Variants in ATP10B observed in about 807,000 individuals in gnomAD.
The protein encoded by ATP10B is ATPase phospholipid transporting 10B (putative).
In ATP10B, 122 loss-of-function variants were observed where a neutral mutation model predicts 141.2. The observed-to-expected ratio is 0.86, with a 90% CI of 0.75 to 1.00. The LOEUF is 1.00. ATP10B is among the 50% of genes least tolerant of loss of function. The pLI, the probability that ATP10B is intolerant of heterozygous loss-of-function variation, is 0.00. For synonymous variants in ATP10B, 685 were observed against 692.0 expected (o/e 0.99, Z 0.16); for missense variants, 1,876 against 1,825.3 (o/e 1.03, Z -0.51).
chr5:160,854,360 A>C (rs546587629), upstream of ATP10B, among the ~76,000 whole-genome samples: 9 of 151,622 alleles, frequency 5.9e-5, no homozygotes, highest in African/African-American at 2.2e-4. Context: ...CCAGTGTGTG[A>C]TGTTTCTTCC....
At chr5:160,806,900 T>C (rs554253156) in intron 1 of ATP10B, among the ~76,000 whole-genome samples, 8 of 152,178 alleles carry the variant, frequency 5.3e-5, no homozygotes, top group Non-Finnish European at 1.0e-4. Context: ...CAGAGCACTT[T>C]GTCACCCTCC....
At chr5:160,854,508 T>A (rs531300674), upstream of ATP10B, among the ~76,000 whole-genome samples, 46 of 152,300 alleles carry the variant, frequency 3.0e-4, no homozygotes, top group South Asian at 8.7e-3. Flanking sequence ...GAACTCATCC[T>A]TTTTTATGGC....
chr5:160,658,252 A>G (rs1761643517), intron 7 of ATP10B, among the ~76,000 whole-genome samples: 1 of 152,186 alleles, frequency 6.6e-6, no homozygotes, highest in Non-Finnish European at 1.5e-5. Flanking sequence ...GAGTGGCAAG[A>G]GCAAAGTCCA....
At chr5:160,666,362 C>T (rs1480652694) in intron 7 of ATP10B, among the ~76,000 whole-genome samples, 1 of 152,142 alleles carries the variant, frequency 6.6e-6, no homozygotes, top group Non-Finnish European at 1.5e-5. Context: ...TATGATACAC[C>T]TTCAACACCT....
chr5:160,878,365 C>G, the ATP10B span, among the ~76,000 whole-genome samples: 2,319 of 151,700 alleles, frequency 0.015, 27 homozygotes, highest in Non-Finnish European at 0.021. Context: ...TTCCTTACAC[C>G]TTATACAAAA....
At chr5:160,642,824 T>C (rs1012878679) in intron 9 of ATP10B, among the ~76,000 whole-genome samples, 2 of 152,350 alleles carry the variant, frequency 1.3e-5, no homozygotes, top group Non-Finnish European at 2.9e-5. Context: ...TCAACCATCC[T>C]GTTCAGGAAC....
At chr5:160,603,677 T>C in intron 20 of ATP10B, 1 of 410,298 alleles carries the variant, frequency 2.4e-6, no homozygotes, top group Non-Finnish European at 4.5e-6. Flanking sequence ...TTTACACTGG[T>C]GGTGGAAATA....
rs1397086805 is a variant in ATP10B at position 160,602,713 on chromosome 5, A to T, written c.3238-11T>A. ...GCTGGACATGACAGCCTGAGAGGTG[A>T]GAACAGACACATCAGCTTCCATCCA... On this transcript the variant is annotated splice_polypyrimidine_tract_variant and intron_variant, in intron 20 of 25. Coordinates refer to ENST00000327245, the MANE Select transcript of ATP10B (RefSeq NM_025153.3). 1.9e-6 allele frequency: 3 copies of T among 1,613,658 alleles called. No individual in the cohort carries two copies. Among genetic ancestry groups the T allele is most frequent in the Non-Finnish European group, 2.5e-6 (3 of 1,179,664 alleles).
chr5:160,780,143 A>G (rs1770617267), intron 2 of ATP10B, among the ~76,000 whole-genome samples: 1 of 152,196 alleles, frequency 6.6e-6, no homozygotes, highest in African/African-American at 2.4e-5. Flanking sequence ...ACAAAATATA[A>G]ATGGCTGACA....
chr5:160,655,447 T>C (rs759266730), intron 7 of ATP10B, among the ~76,000 whole-genome samples: 17 of 152,144 alleles, frequency 1.1e-4, no homozygotes, highest in Non-Finnish European at 2.4e-4. Context: ...TGGTAGACTG[T>C]CATCTTCCTC....
rs114127025 is a variant in ATP10B, at chr5:160,811,284, C to T, written c.-575-25481G>A. On this transcript the variant is annotated intron_variant, in intron 1 of 25. Transcript: ENST00000327245. Reference sequence around the variant, plus strand: ...TGATTATGGGGAGAGGTTCCTTCTGCTTGAGAAAAGCAGAGGGGAAAGTAA... The same window carrying T: ...TGATTATGGGGAGAGGTTCCTTCTGTTTGAGAAAAGCAGAGGGGAAAGTAA... Among the ~76,000 whole-genome samples, 1,064 of 152,242 alleles carry T rather than the reference C, an allele frequency of 7.0e-3. 18 individuals are homozygous for T. Among genetic ancestry groups the T allele is most frequent in the African/African-American group, 0.024 (1,003 of 41,556 alleles).
chr5:160,646,184 C>T (rs146588485), intron 8 of ATP10B, among the ~76,000 whole-genome samples: 1,697 of 152,196 alleles, frequency 0.011, 28 homozygotes, highest in African/African-American at 0.038. Context: ...AGACACCCAC[C>T]CTACTGAGAT....
At chr5:160,733,490 GC>G (rs1766878107) in intron 2 of ATP10B, among the ~76,000 whole-genome samples, 1 of 152,062 alleles carries the variant, frequency 6.6e-6, no homozygotes, top group East Asian at 1.9e-4. Flanking sequence ...TATAAAAATA[GC>G]CATAGGCACA....
the ATP10B span, among the ~76,000 whole-genome samples, chr5:160,907,552 G>T: frequency 2.0e-5 from 3 of 152,086 alleles, no homozygotes; most frequent in East Asian, 5.8e-4. Flanking sequence ...GTAGACACAG[G>T]ATCTCACTAT....
At chr5:160,842,659 TTG>T (rs1561915841) in intron 1 of ATP10B, among the ~76,000 whole-genome samples, 3 of 151,980 alleles carry the variant, frequency 2.0e-5, no homozygotes, top group Non-Finnish European at 2.9e-5. Flanking sequence ...ATGAGCACAT[TTG>T]TATCAATAAA....
chr5:160,596,052 A>G (rs978566550), intron 22 of ATP10B, among the ~76,000 whole-genome samples: 9 of 152,042 alleles, frequency 5.9e-5, no homozygotes, highest in Non-Finnish European at 1.2e-4. Flanking sequence ...TGAGGCCAGC[A>G]TCATCCTGAT....
chr5:160,730,355 C>T (rs534086334), intron 2 of ATP10B, among the ~76,000 whole-genome samples: 13 of 152,110 alleles, frequency 8.5e-5, no homozygotes, highest in South Asian at 2.1e-4. Flanking sequence ...CTGAATGGAA[C>T]GATATTTCTC....
chr5:160,569,360 C>T, intron 25 of ATP10B, 136 bp downstream of exon 25: 1 of 860,908 alleles, frequency 1.2e-6, no homozygotes, highest in Non-Finnish European at 1.8e-6. Flanking sequence ...TTCTTTCTGT[C>T]CCATCTCTCT....
In ATP10B at chr5:160,565,628, C is replaced by A. The variant is rs1345626018; in HGVS notation, c.4211G>T (p.Gly1404Val). The change falls in exon 26 of 26, where the codon GGC (glycine) becomes GTC (valine). Residue 1404 changes from glycine (G) to valine (V), a missense_variant. Gly to Val is a moderately radical substitution (Grantham distance 109). Coordinates refer to ENST00000327245, the MANE Select transcript of ATP10B (RefSeq NM_025153.3). ...TGAGTCATCCCTCATGCACTCCGTG[C>A]CACATCTCTGTTCGTGGAGTACTGA... ...EESVLHEQRC[G>V]TECMRDDSCS... The A allele has an allele frequency of 6.2e-7, 1 of 1,614,138 alleles. No individual in the cohort carries two copies. Among genetic ancestry groups the A allele is most frequent in the Non-Finnish European group, 8.5e-7 (1 of 1,179,994 alleles).
Sources: allele counts gnomAD v4.1 joint callset (sites outside exome capture counted in the v4.1 genomes callset), GRCh38; gene constraint gnomAD v4.1.1; transcripts MANE v1.5; gene names NCBI Gene and HGNC (gene_info 2026-07-23, HGNC 2026-07-21).